ST3GAL3: variants seen among roughly 807,000 people sequenced by gnomAD.
ST3GAL3 encodes the protein ST3 beta-galactoside alpha-2,3-sialyltransferase 3.
In ST3GAL3, 21 loss-of-function variants were observed where a neutral mutation model predicts 50.1. That is an observed-to-expected ratio of 0.42 (90% CI 0.30 to 0.60). The LOEUF is 0.60. Among genes scored for constraint, ST3GAL3 ranks in the 20% least tolerant of loss-of-function variants. ST3GAL3 has a pLI of 0.19. For synonymous variants in ST3GAL3, 183 were observed against 190.0 expected, an observed-to-expected ratio of 0.96 and a Z score of 0.30; for missense variants, 353 against 489.4, an observed-to-expected ratio of 0.72 and a Z score of 2.63.
At chr1:43,818,228 C>A (rs1245561209) in intron 4 of ST3GAL3, among the ~76,000 whole-genome samples, 1 of 152,106 alleles carries the variant, frequency 6.6e-6, no homozygotes, top group Non-Finnish European at 1.5e-5. Flanking sequence ...TTAACTGGAA[C>A]CCCAAAGGGC....
At chr1:43,923,751 C>A (rs2083446621) in intron 11 of ST3GAL3, among the ~76,000 whole-genome samples, 1 of 152,124 alleles carries the variant, frequency 6.6e-6, no homozygotes, top group Non-Finnish European at 1.5e-5. Flanking sequence ...TAGTAGCAGA[C>A]TGCAGGTGTG....
intron 5 of ST3GAL3, among the ~76,000 whole-genome samples, chr1:43,863,184 C>A (rs2070440183): frequency 6.6e-6 from 1 of 152,202 alleles, no homozygotes; most frequent in Admixed American, 6.5e-5. Context: ...GTTTCAGAGA[C>A]ATTCAAGTCA....
At chr1:43,784,222 C>T (rs1055435932) in intron 2 of ST3GAL3, among the ~76,000 whole-genome samples, 5 of 152,014 alleles carry the variant, frequency 3.3e-5, no homozygotes, top group Admixed American at 1.3e-4. Flanking sequence ...TGCATCTAAA[C>T]GACAGGCCAG....
At chr1:43,759,065 G>GCGCGCGCA (rs60386464) in intron 2 of ST3GAL3, among the ~76,000 whole-genome samples, 5 of 75,452 alleles carry the variant, frequency 6.6e-5, no homozygotes, top group East Asian at 6.6e-4. Context: ...AAAAGCGCGC[G>GCGCGCGCA]CACACACACA....
chr1:43,915,934 C>G (rs1227368207), intron 9 of ST3GAL3, among the ~76,000 whole-genome samples: 2 of 152,168 alleles, frequency 1.3e-5, no homozygotes, highest in Non-Finnish European at 2.9e-5. Context: ...GCCTGGCCAA[C>G]ATGGTGAAAC....
chr1:43,772,373 G>A, intron 2 of ST3GAL3: 1 of 208,158 alleles, frequency 4.8e-6, no homozygotes, highest in Non-Finnish European at 9.5e-6. Flanking sequence ...AATCCTATAT[G>A]TATATTTGCT....
At chr1:43,827,588 G>A (rs2062985881) in intron 4 of ST3GAL3, among the ~76,000 whole-genome samples, 1 of 151,948 alleles carries the variant, frequency 6.6e-6, no homozygotes, top group South Asian at 2.1e-4. Flanking sequence ...CTGCTGTCTC[G>A]ACCTCCCAGG....
chr1:43,809,992 C>CAAAA (rs111982954), intron 3 of ST3GAL3, among the ~76,000 whole-genome samples: 3 of 78,408 alleles, frequency 3.8e-5, no homozygotes, highest in African/African-American at 5.0e-5. Flanking sequence ...GACCCTGTCT[C>CAAAA]AAAAAAAAAA....
intron 2 of ST3GAL3, among the ~76,000 whole-genome samples, chr1:43,751,823 TTTG>T (rs1222949388): frequency 3.9e-5 from 6 of 152,092 alleles, no homozygotes; most frequent in Non-Finnish European, 8.8e-5. Flanking sequence ...TACATTTTTT[TTTG>T]TTCTGTTTTT....
At chr1:43,779,531 A>C (rs765820557) in intron 2 of ST3GAL3, among the ~76,000 whole-genome samples, 1 of 152,092 alleles carries the variant, frequency 6.6e-6, no homozygotes, top group Non-Finnish European at 1.5e-5. Context: ...TGGTTTTTTA[A>C]CCTCTGAATC....
chr1:43,929,277 A>T lies in ST3GAL3; in HGVS notation c.1039-855A>T, dbSNP rs142870571. 4.6e-5 allele frequency among the ~76,000 whole-genome samples: 7 copies of T among 151,386 alleles called. No homozygotes were observed. The East Asian group carries it at 1.2e-3, about 25-fold the overall frequency. Reference sequence around the variant, plus strand: ...ACATTCTACCCCAAAAATATGTACAATTCTTTCAATTAAAAAATTAGTTTT... The same window carrying T: ...ACATTCTACCCCAAAAATATGTACATTTCTTTCAATTAAAAAATTAGTTTT... On this transcript the variant is annotated intron_variant, in intron 11 of 11. Transcript: ENST00000347631.
In ST3GAL3 at chr1:43,799,052, A is replaced by C. The variant is rs140190987; in HGVS notation, c.166+6903A>C. ...ATGTCGAGGATATTGTTGAGTGAAC[A>C]AAACAAACAAACAGCATGCATATTA... On this transcript the variant is annotated intron_variant, in intron 3 of 11. Transcript: ENST00000347631. Among the ~76,000 whole-genome samples, 408 of 152,362 alleles carry C rather than the reference A, an allele frequency of 2.7e-3. 2 individuals carry two copies. The highest frequency in any genetic ancestry group is 9.6e-3 in the African/African-American group (398 of 41,586).
At chr1:43,843,718 A>G (rs1295895073) in intron 5 of ST3GAL3, among the ~76,000 whole-genome samples, 1 of 152,234 alleles carries the variant, frequency 6.6e-6, no homozygotes, top group Non-Finnish European at 1.5e-5. Context: ...AAGAAAAGAC[A>G]GTTTTTTATC....
chr1:43,836,945 A>AC (rs1221536887), intron 4 of ST3GAL3, among the ~76,000 whole-genome samples: 5 of 134,566 alleles, frequency 3.7e-5, no homozygotes, highest in Non-Finnish European at 7.9e-5. Context: ...TCTTCTGAAA[A>AC]ATATGTAGCA....
chr1:43,929,912 G>T (rs2084766974), intron 11 of ST3GAL3: 2 of 688,662 alleles, frequency 2.9e-6, no homozygotes, highest in South Asian at 1.4e-5. Flanking sequence ...GGGTATGAAG[G>T]TTCTTTTTTC....
At chr1:43,778,644 C>CTTT (rs35726867) in intron 2 of ST3GAL3, among the ~76,000 whole-genome samples, 20 of 118,702 alleles carry the variant, frequency 1.7e-4, no homozygotes, top group East Asian at 4.8e-4. Context: ...TTCTTTTTTT[C>CTTT]TTTTTTTTTT....
intron 5 of ST3GAL3, among the ~76,000 whole-genome samples, chr1:43,846,768 G>T (rs1177694059): frequency 6.6e-6 from 1 of 152,006 alleles, no homozygotes; most frequent in Non-Finnish European, 1.5e-5. Flanking sequence ...CAAAGTGCTG[G>T]GATTACAGGC....
intron 2 of ST3GAL3, among the ~76,000 whole-genome samples, chr1:43,742,458 T>C (rs1188354223): frequency 6.6e-6 from 1 of 152,158 alleles, no homozygotes; most frequent in Non-Finnish European, 1.5e-5. Context: ...GGCCGTCAGG[T>C]AGTCATTGAA....
intron 4 of ST3GAL3, among the ~76,000 whole-genome samples, chr1:43,831,956 A>C (rs569002809): frequency 6.6e-6 from 1 of 152,312 alleles, no homozygotes; most frequent in South Asian, 2.1e-4. Flanking sequence ...AAGCTGAATT[A>C]GATCATTAGA....
Sources: gnomAD v4.1 joint callset for allele counts (sites outside exome capture counted in the v4.1 genomes callset) on GRCh38, gnomAD v4.1.1 for gene constraint, MANE v1.5 for transcripts, NCBI Gene and HGNC (gene_info 2026-07-23, HGNC 2026-07-21) for gene names.